The following CDC42 variants were observed in gnomAD, a reference collection of about 807,000 sequenced individuals.
CDC42 encodes cell division cycle 42.
CDC42 carries 1 observed loss-of-function variant against 20.8 expected under a neutral mutation model. That is an observed-to-expected ratio of 0.05 (90% CI 0.02 to 0.23). CDC42 has a LOEUF of 0.23. CDC42 is among the 10% of genes least tolerant of loss of function. CDC42 has a pLI of 1.00. For synonymous variants in CDC42, 72 were observed against 84.8 expected, an observed-to-expected ratio of 0.85 and a Z score of 0.83; for missense variants, 49 against 227.9, an observed-to-expected ratio of 0.21 and a Z score of 5.05.
intron 1 of CDC42, among the ~76,000 whole-genome samples, chr1:22,063,807 G>T (rs953031139): frequency 6.6e-6 from 1 of 151,774 alleles, no homozygotes; most frequent in Non-Finnish European, 1.5e-5. Context: ...TGGAACCTTC[G>T]CCTCCCGGGT....
rs1557910832 is a variant in CDC42 at position 22,094,293 on chromosome 1, G to GTTTTTTTTTTTTTT, written c.*2776_*2777insTTTTTTTTTTTTTT. ...TGTTTTACTGAACATCCTAGAAATA[G>GTTTTTTTTTTTTTT]ATTTTTTTTTTTTTTTTTTTTTGAG... On this transcript the variant is annotated 3_prime_UTR_variant, in exon 6 of 6. Transcript: ENST00000656825. Among the ~76,000 whole-genome samples, 2 of 27,690 alleles carry GTTTTTTTTTTTTTT rather than the reference G, an allele frequency of 7.2e-5. No individual in the cohort carries two copies. Among genetic ancestry groups the GTTTTTTTTTTTTTT allele is most frequent in the Admixed American group, 5.0e-4 (1 of 2,002 alleles). The allele number at this position is 27,690 out of a possible 152,430, so 18.2% of individuals were successfully genotyped here.
At chr1:22,061,411 GA>G (rs150165231) in intron 1 of CDC42, among the ~76,000 whole-genome samples, 126,499 of 136,408 alleles carry the variant, frequency 0.93, 58,596 homozygotes, top group East Asian at 0.99. Context: ...TCTGTCTCAG[GA>G]AAAAAAAAAA....
intron 1 of CDC42, among the ~76,000 whole-genome samples, chr1:22,073,538 C>CAAA (rs879917377): frequency 1.1e-5 from 1 of 92,368 alleles, no homozygotes; most frequent in East Asian, 2.9e-4. Flanking sequence ...AACTCTGTCT[C>CAAA]AAAAAAAAAA....
At chr1:22,075,826 G>C (rs1255409249) in intron 1 of CDC42, among the ~76,000 whole-genome samples, 1 of 152,162 alleles carries the variant, frequency 6.6e-6, no homozygotes, top group South Asian at 2.1e-4. Flanking sequence ...CCAGAACCCA[G>C]GCTTAACAGG....
At chr1:22,074,516 G>T (rs1383049631) in intron 1 of CDC42, among the ~76,000 whole-genome samples, 1 of 152,058 alleles carries the variant, frequency 6.6e-6, no homozygotes, top group African/African-American at 2.4e-5. Context: ...AAAACCCAAA[G>T]TCTCTCCCCT....
At chr1:22,087,806 A>G (rs16826547) in intron 5 of CDC42, among the ~76,000 whole-genome samples, 149 of 152,322 alleles carry the variant, frequency 9.8e-4, no homozygotes, top group Middle Eastern at 3.4e-3. Context: ...AAAAAACACT[A>G]TTGGATTCTT....
Position 22,086,657 on chromosome 1 carries a change from A to T in CDC42, c.289-12A>T. On this transcript the variant is annotated splice_polypyrimidine_tract_variant and intron_variant, in intron 4 of 5. Transcript: ENST00000656825. ...GATTAACAAAGGTGTATTTTAAAATACCTTTTTTTAGTGGGTGCCTGAGAT... is the reference window on the plus strand; with the variant it reads ...GATTAACAAAGGTGTATTTTAAAATTCCTTTTTTTAGTGGGTGCCTGAGAT... The T allele has an allele frequency of 6.2e-7, 1 of 1,613,278 alleles. No individual in the cohort carries two copies. The highest frequency in any genetic ancestry group is 1.1e-5 in the South Asian group (1 of 91,060).
chr1:22,087,705 A>AT (rs903748988), intron 5 of CDC42, among the ~76,000 whole-genome samples: 1 of 152,214 alleles, frequency 6.6e-6, no homozygotes, highest in African/African-American at 2.4e-5. Flanking sequence ...ATAGGGCAAG[A>AT]TTGAAGGGTG....
At chr1:22,083,270 G>A (rs1390801346) in intron 3 of CDC42, among the ~76,000 whole-genome samples, 2 of 152,030 alleles carry the variant, frequency 1.3e-5, no homozygotes, top group South Asian at 2.1e-4. Context: ...ATTTTCTGGC[G>A]AGTACTTTTG....
chr1:22,086,751 C>T lies in CDC42; in HGVS notation c.371C>T (p.Ser124Phe), dbSNP rs1326906815. The part of the protein sequence containing the change: ...GTQIDLRDDP[S>F]TIEKLAKNKQ... ...CAAATTGATCTCAGAGATGACCCCT[C>T]TACTATTGAGAAACTTGCCAAGAAC... is the stretch of plus-strand genomic sequence containing the variant. Residue 124 changes from serine to phenylalanine, a missense_variant, in exon 5 of 6, where the codon TCT becomes TTT. Transcript: ENST00000656825. 10 of 1,613,978 alleles carry T rather than the reference C, an allele frequency of 6.2e-6. No homozygotes were observed. The highest frequency in any genetic ancestry group is 7.6e-6 in the Non-Finnish European group (9 of 1,179,904).
intron 1 of CDC42, among the ~76,000 whole-genome samples, chr1:22,066,240 T>G (rs1569979371): frequency 6.6e-6 from 1 of 152,000 alleles, no homozygotes; most frequent in Admixed American, 6.6e-5. Context: ...TGAGGTGAGG[T>G]GGTGCATGCT....
At position 22,052,739 on chromosome 1, in the gene CDC42, T is replaced by G. The variant is rs889268804; in HGVS notation, c.-54T>G. On this transcript the variant is annotated 5_prime_UTR_variant, in exon 1 of 6. Coordinates refer to ENST00000656825, the MANE Select transcript of CDC42 (RefSeq NM_001791.4). ...GCTGCCAACGCCCCGGTGGAGAAGC[T>G]GAGGTGAGTGCGGGGCCCGAGGTTC... 6.5e-6 allele frequency: 1 copy of G among 152,854 alleles called. No individual in the cohort carries two copies. Among genetic ancestry groups the G allele is most frequent in the Non-Finnish European group, 1.5e-5 (1 of 68,190 alleles). 9.5% of individuals were successfully genotyped at this position (152,854 alleles called of 1,614,324 possible). A position where few individuals can be genotyped will look rare whatever the true frequency, so the allele number is the denominator to read the frequency against.
At position 22,086,568 on chromosome 1, in the gene CDC42, T is replaced by A; in HGVS notation, c.288+20T>A. Reference sequence around the variant, plus strand: ...GAAAAGGTAAGCTGATCAGATACTCTTGCCCTAAGAAGATCATCTCAGAAT... The same window carrying A: ...GAAAAGGTAAGCTGATCAGATACTCATGCCCTAAGAAGATCATCTCAGAAT... On this transcript the variant is annotated intron_variant, in intron 4 of 5. Transcript: ENST00000656825. 1 of 1,592,730 alleles carries A rather than the reference T, an allele frequency of 6.3e-7. No homozygotes were observed. Among genetic ancestry groups the A allele is most frequent in the Non-Finnish European group, 8.6e-7 (1 of 1,161,372 alleles).
intron 1 of CDC42, among the ~76,000 whole-genome samples, chr1:22,060,334 T>C (rs1186218193): frequency 1.3e-5 from 2 of 150,840 alleles, no homozygotes; most frequent in African/African-American, 4.9e-5. Flanking sequence ...AGACTCCGTC[T>C]CAAAAAATTA....
In CDC42 at chr1:22,075,138, T is replaced by C. The variant is rs111570077; in HGVS notation, c.-50-3291T>C. Reference sequence around the variant, plus strand: ...AGTTTAGTGATGTGAAACTTTAGCATGAGTAACTCCGTTTTGATTTTTAGT... The same window carrying C: ...AGTTTAGTGATGTGAAACTTTAGCACGAGTAACTCCGTTTTGATTTTTAGT... On this transcript the variant is annotated intron_variant, in intron 1 of 5. Coordinates refer to ENST00000656825, the MANE Select transcript of CDC42 (RefSeq NM_001791.4). 2.3e-3 allele frequency among the ~76,000 whole-genome samples: 354 copies of C among 152,366 alleles called. 3 individuals carry two copies. Among genetic ancestry groups the C allele is most frequent in the African/African-American group, 8.1e-3 (337 of 41,594 alleles).
intron 1 of CDC42, among the ~76,000 whole-genome samples, chr1:22,055,068 C>T (rs2501271): frequency 0.94 from 138,216 of 147,742 alleles, 64,699 homozygotes; most frequent in East Asian, 1. Flanking sequence ...ATTCTCCTGC[C>T]TCAGCCTCCC....
Position 22,097,166 on chromosome 1 carries a change from A to G in CDC42, c.*5649A>G, listed in dbSNP as rs1645763295. Among the ~76,000 whole-genome samples, 1 of 152,252 alleles carries G rather than the reference A, an allele frequency of 6.6e-6. No homozygotes were observed. The highest frequency in any genetic ancestry group is 1.5e-5 in the Non-Finnish European group (1 of 68,040). On this transcript the variant is annotated 3_prime_UTR_variant, in exon 6 of 6. Transcript: ENST00000656825. ...GCCTGTCACCACACAGCTGTATGGT[A>G]GCAGAGCTGGGCGTGAAACCTGCAT...
At chr1:22,081,693 C>G (rs1315779994) in intron 2 of CDC42, 29 bp from the exon 3 acceptor site, 1 of 1,437,498 alleles carries the variant, frequency 7.0e-7, no homozygotes, top group Non-Finnish European at 9.8e-7. Context: ...TCCTTGCACA[C>G]TAACAGTGTT....
At chr1:22,071,132 C>T (rs1237287494) in intron 1 of CDC42, among the ~76,000 whole-genome samples, 1 of 146,070 alleles carries the variant, frequency 6.8e-6, no homozygotes, top group African/African-American at 2.5e-5. Context: ...CAAGCTCTGC[C>T]TCACGGGTTC....
Sources: allele counts gnomAD v4.1 joint callset (sites outside exome capture counted in the v4.1 genomes callset), GRCh38; gene constraint gnomAD v4.1.1; transcripts MANE v1.5; gene names NCBI Gene and HGNC (gene_info 2026-07-23, HGNC 2026-07-21).